SUDS3: variants seen among roughly 807,000 people sequenced by gnomAD.
SUDS3 encodes the protein sin3 histone deacetylase corepressor complex component SDS3.
SUDS3 carries 23 observed loss-of-function variants against 53.5 expected under a neutral mutation model. That is an observed-to-expected ratio of 0.43 (90% CI 0.31 to 0.61). The LOEUF (loss-of-function observed/expected upper bound fraction) is 0.61. SUDS3 is among the 20% of genes least tolerant of loss of function. The pLI is 0.10. For missense variants in SUDS3, 291 were observed against 405.9 expected (o/e 0.72, Z 2.43); for synonymous variants, 150 against 148.5 (o/e 1.01, Z -0.08).
At chr12:118,412,479 G>T (rs1173052119) in intron 11 of SUDS3, among the ~76,000 whole-genome samples, 3 of 152,186 alleles carry the variant, frequency 2.0e-5, no homozygotes, top group African/African-American at 7.2e-5. Context: ...AAGTTAGGGA[G>T]AGCCTTCTAG....
intron 10 of SUDS3, among the ~76,000 whole-genome samples, chr12:118,407,720 GT>G (rs398055978): frequency 0.11 from 15,653 of 136,976 alleles, 771 homozygotes; most frequent in Middle Eastern, 0.19. Context: ...GTTATTTTTG[GT>G]TTTTTTTTTT....
At chr12:118,408,332 C>T (rs1363111644) in intron 10 of SUDS3, among the ~76,000 whole-genome samples, 11 of 149,272 alleles carry the variant, frequency 7.4e-5, no homozygotes, top group Non-Finnish European at 1.5e-5. Context: ...CCATACCTGG[C>T]CAGTTTTTTT....
rs750399686 is a variant in SUDS3, at chr12:118,403,496, A to G, written c.782A>G (p.Lys261Arg). The change falls in exon 10 of 12, where the codon AAA (lysine) becomes AGA (arginine). Residue 261 changes from lysine (K) to arginine (R), a missense_variant. Coordinates refer to ENST00000543473, the MANE Select transcript of SUDS3 (RefSeq NM_022491.3). ...TTCGAAGCTCGGATAGAAGATGGCA[A>G]ACTGTACTATGACAAAAGATGGTAT... The part of the protein sequence containing the change: ...QRFEARIEDG[K>R]LYYDKRWYHK... The G allele has an allele frequency of 8.7e-5, 141 of 1,613,202 alleles. No homozygotes were observed. Among genetic ancestry groups the G allele is most frequent in the Non-Finnish European group, 1.0e-4 (121 of 1,179,664 alleles).
At chr12:118,387,998 C>T (rs974062983) in intron 4 of SUDS3, among the ~76,000 whole-genome samples, 1 of 152,242 alleles carries the variant, frequency 6.6e-6, no homozygotes, top group African/African-American at 2.4e-5. Context: ...TTAACTGAAA[C>T]AACTGCCACC....
intron 6 of SUDS3, among the ~76,000 whole-genome samples, chr12:118,394,412 C>T (rs779231310): frequency 6.6e-6 from 1 of 152,292 alleles, no homozygotes; most frequent in Non-Finnish European, 1.5e-5. Context: ...TGCTCACAGT[C>T]CCTCAGTGAG....
chr12:118,397,205 A>T (rs929598729), intron 6 of SUDS3, among the ~76,000 whole-genome samples: 8 of 152,072 alleles, frequency 5.3e-5, no homozygotes, highest in Non-Finnish European at 7.4e-5. Context: ...AGCCTGACTG[A>T]ATCCCTGCTC....
chr12:118,396,035 A>G (rs973124149), intron 6 of SUDS3, among the ~76,000 whole-genome samples: 4 of 151,792 alleles, frequency 2.6e-5, no homozygotes. Context: ...TTCTGTTACC[A>G]CCGCAGCATT....
chr12:118,413,906 A>G (rs1566213136), intron 11 of SUDS3, among the ~76,000 whole-genome samples: 2 of 152,210 alleles, frequency 1.3e-5, no homozygotes, highest in South Asian at 2.1e-4. Context: ...AAACCAAAGT[A>G]TTGAAAGTTT....
chr12:118,410,555 CTTTATTTATTTATTTA>C (rs767637189), intron 10 of SUDS3, among the ~76,000 whole-genome samples: 6 of 148,894 alleles, frequency 4.0e-5, no homozygotes, highest in Non-Finnish European at 8.9e-5. Flanking sequence ...GGATGGAAGC[CTTTATTTATTTATTTA>C]TTTATTTATT....
chr12:118,412,612 A>C (rs1372517590), intron 11 of SUDS3, among the ~76,000 whole-genome samples: 1 of 152,348 alleles, frequency 6.6e-6, no homozygotes, highest in East Asian at 1.9e-4. Context: ...TCACGATTTC[A>C]TGGTAATCAT....
At chr12:118,393,836 A>G (rs1433611570) in intron 6 of SUDS3, among the ~76,000 whole-genome samples, 2 of 151,630 alleles carry the variant, frequency 1.3e-5, no homozygotes, top group Admixed American at 6.6e-5. Context: ...ACGCCCGGCT[A>G]ATTTTTGTAT....
Position 118,401,642 on chromosome 12 carries a change from A to G in SUDS3, c.614-117A>G, listed in dbSNP as rs2046263494. 4.6e-6 allele frequency: 4 copies of G among 876,870 alleles called. No individual in the cohort carries two copies. The Admixed American group carries it at 6.5e-5, about 14-fold the overall frequency. 54.3% of individuals were successfully genotyped at this position (876,870 alleles called of 1,614,324 possible). Reference sequence around the variant, plus strand: ...TTTCTAAGAAGCAAACTGTTACTGTAGAAACATCATTTAACAAAATCATAC... The same window carrying G: ...TTTCTAAGAAGCAAACTGTTACTGTGGAAACATCATTTAACAAAATCATAC... On this transcript the variant is annotated intron_variant, in intron 7 of 11. Coordinates refer to ENST00000543473, the MANE Select transcript of SUDS3 (RefSeq NM_022491.3).
At chr12:118,377,558 C>G (rs1391361300) in intron 1 of SUDS3, among the ~76,000 whole-genome samples, 2 of 139,086 alleles carry the variant, frequency 1.4e-5, no homozygotes, top group African/African-American at 5.3e-5. Context: ...GAGAGATTTG[C>G]TTAATGGTCC....
intron 4 of SUDS3, among the ~76,000 whole-genome samples, chr12:118,389,660 C>T (rs1411770071): frequency 3.3e-5 from 5 of 152,086 alleles, no homozygotes; most frequent in African/African-American, 7.2e-5. Flanking sequence ...GGATTACAGG[C>T]GCCTGCCACC....
rs1031798604 is a variant in SUDS3, at chr12:118,415,674, C to T, written c.*1241C>T. 6.6e-6 allele frequency: 1 copy of T among 152,110 alleles called. No homozygotes were observed. Among genetic ancestry groups the T allele is most frequent in the African/African-American group, 2.4e-5 (1 of 41,430 alleles). 9.4% of individuals were successfully genotyped at this position (152,110 alleles called of 1,614,324 possible). ...GAGCAACTGTTAGCGTCTCTATGAGCAATCAGTAGAACTTACACATCCTAG... is the reference window on the plus strand; with the variant it reads ...GAGCAACTGTTAGCGTCTCTATGAGTAATCAGTAGAACTTACACATCCTAG... On this transcript the variant is annotated 3_prime_UTR_variant, in exon 12 of 12. Coordinates refer to ENST00000543473, the MANE Select transcript of SUDS3 (RefSeq NM_022491.3).
At chr12:118,406,530 G>C (rs1206389991) in intron 10 of SUDS3, among the ~76,000 whole-genome samples, 1 of 152,000 alleles carries the variant, frequency 6.6e-6, no homozygotes, top group Non-Finnish European at 1.5e-5. Context: ...AGTTTTGTTC[G>C]GTTTAATAGT....
intron 4 of SUDS3, among the ~76,000 whole-genome samples, chr12:118,388,993 A>G (rs2046140393): frequency 6.6e-6 from 1 of 152,180 alleles, no homozygotes; most frequent in Non-Finnish European, 1.5e-5. Flanking sequence ...TACTAAAAAT[A>G]CAAAAATCAG....
At chr12:118,397,488 A>C (rs2046226626) in intron 6 of SUDS3, among the ~76,000 whole-genome samples, 1 of 152,176 alleles carries the variant, frequency 6.6e-6, no homozygotes, top group Non-Finnish European at 1.5e-5. Context: ...AAGGTGACTT[A>C]AGTGGATAAT....
At position 118,415,952 on chromosome 12, in the gene SUDS3, G is replaced by T. The variant is rs1173805184; in HGVS notation, c.*1519G>T. 1 of 148,806 alleles carries T rather than the reference G, an allele frequency of 6.7e-6. No individual in the cohort carries two copies. Among genetic ancestry groups the T allele is most frequent in the African/African-American group, 2.5e-5 (1 of 40,256 alleles). The allele number at this position is 148,806 out of a possible 1,614,324, so 9.2% of individuals were successfully genotyped here. The stretch of plus-strand genomic sequence containing the variant: ...TTTTTTTTTTTTTTTTCTGGTGTTG[G>T]AGTCTTATTTAGAAAACAGGATAAA... On this transcript the variant is annotated 3_prime_UTR_variant, in exon 12 of 12. Transcript: ENST00000543473.
Sources: gnomAD v4.1 joint callset for allele counts (sites outside exome capture counted in the v4.1 genomes callset) on GRCh38, gnomAD v4.1.1 for gene constraint, MANE v1.5 for transcripts, NCBI Gene and HGNC (gene_info 2026-07-23, HGNC 2026-07-21) for gene names.